The following HDAC9 variants were observed in gnomAD, a reference collection of about 807,000 sequenced individuals.
HDAC9 encodes MEF-2 interacting transcription repressor (MITR) protein.
A neutral mutation model predicts 139.4 loss-of-function variants in HDAC9; 41 were observed. The observed-to-expected ratio is 0.29, with a 90% confidence interval of 0.23 to 0.38. The LOEUF is 0.38. HDAC9 is among the 10% of genes least tolerant of loss of function. HDAC9 has a pLI of 1.00. For synonymous variants in HDAC9, 517 were observed against 476.2 expected (o/e 1.09, Z -1.12); for missense variants, 1,147 against 1,297.0 (o/e 0.88, Z 1.78).
intron 1 of HDAC9, among the ~76,000 whole-genome samples, chr7:18,146,328 C>A (rs1786322270): frequency 1.3e-5 from 2 of 152,112 alleles, no homozygotes; most frequent in Non-Finnish European, 2.9e-5. Context: ...GTTTACCTTC[C>A]ATTTTAGGTA....
chr7:18,675,210 T>C (rs1293004155), intron 12 of HDAC9, among the ~76,000 whole-genome samples: 1 of 152,042 alleles, frequency 6.6e-6, no homozygotes, highest in Non-Finnish European at 1.5e-5. Context: ...TCAAACCCTA[T>C]GTATGCATCA....
chr7:18,718,214 T>C (rs1350854208), intron 12 of HDAC9, among the ~76,000 whole-genome samples: 1 of 152,094 alleles, frequency 6.6e-6, no homozygotes. Flanking sequence ...AATCGTATTG[T>C]ATGGTATGTG....
chr7:18,577,369 G>A (rs951192072), intron 2 of HDAC9, among the ~76,000 whole-genome samples: 2 of 152,188 alleles, frequency 1.3e-5, no homozygotes, highest in Admixed American at 1.3e-4. Context: ...CTGAGTTCAC[G>A]TCTCTGTGTT....
intron 1 of HDAC9, among the ~76,000 whole-genome samples, chr7:18,342,885 TGAGA>T (rs1782122463): frequency 6.6e-6 from 1 of 151,846 alleles, no homozygotes; most frequent in East Asian, 1.9e-4. Context: ...ATCTACTGAA[TGAGA>T]GAGAAGAATC....
intron 24 of HDAC9, among the ~76,000 whole-genome samples, chr7:18,959,920 T>G (rs1361251258): frequency 6.6e-6 from 1 of 152,084 alleles, no homozygotes; most frequent in Non-Finnish European, 1.5e-5. Context: ...CATATGTTCT[T>G]GTCAAATGTG....
chr7:18,303,096 G>T (rs1418231516), intron 1 of HDAC9, among the ~76,000 whole-genome samples: 2 of 152,064 alleles, frequency 1.3e-5, no homozygotes, highest in East Asian at 3.9e-4. Flanking sequence ...TTCATAGAAA[G>T]GGTAGAACAC....
At chr7:18,338,723 T>C (rs1351028202) in intron 1 of HDAC9, among the ~76,000 whole-genome samples, 1 of 151,566 alleles carries the variant, frequency 6.6e-6, no homozygotes, top group African/African-American at 2.4e-5. Context: ...ATAATTTTCT[T>C]TTCTTGTAAT....
intron 1 of HDAC9, among the ~76,000 whole-genome samples, chr7:18,160,078 T>C (rs1189818548): frequency 2.0e-5 from 3 of 152,176 alleles, no homozygotes; most frequent in Admixed American, 1.3e-4. Flanking sequence ...GCTGTTGAAT[T>C]GTTGGAAATT....
chr7:18,988,603 A>G (rs1464515352), intron 25 of HDAC9, among the ~76,000 whole-genome samples: 2 of 152,146 alleles, frequency 1.3e-5, no homozygotes, highest in African/African-American at 4.8e-5. Context: ...GCTGAGTTCA[A>G]TTCCTGAGTA....
intron 1 of HDAC9, among the ~76,000 whole-genome samples, chr7:18,298,440 C>G (rs1242443461): frequency 6.6e-6 from 1 of 152,076 alleles, no homozygotes; most frequent in Non-Finnish European, 1.5e-5. Context: ...TCCCCGCTCC[C>G]CACCCCACCA....
At chr7:18,467,497 A>G (rs1417756223) in intron 1 of HDAC9, among the ~76,000 whole-genome samples, 1 of 152,164 alleles carries the variant, frequency 6.6e-6, no homozygotes, top group African/African-American at 2.4e-5. Context: ...ACTTTCTTGG[A>G]AAAGCTCTCC....
chr7:18,764,669 C>T, intron 15 of HDAC9, among the ~76,000 whole-genome samples: 1 of 152,048 alleles, frequency 6.6e-6, no homozygotes, highest in Non-Finnish European at 1.5e-5. Flanking sequence ...CGGATTGAAG[C>T]TGCCATATGT....
At chr7:18,474,143 A>T (rs930398701) in intron 1 of HDAC9, among the ~76,000 whole-genome samples, 3 of 152,218 alleles carry the variant, frequency 2.0e-5, no homozygotes, top group Admixed American at 2.0e-4. Context: ...CAACTTTTCT[A>T]TGTGCATACA....
chr7:18,857,458 A>T (rs1191730544), intron 21 of HDAC9, among the ~76,000 whole-genome samples: 1 of 151,918 alleles, frequency 6.6e-6, no homozygotes, highest in Non-Finnish European at 1.5e-5. Flanking sequence ...AGCCAATTAA[A>T]ATATCATTTT....
intron 2 of HDAC9, among the ~76,000 whole-genome samples, chr7:18,231,128 AACATAT>A (rs948196683): frequency 9.2e-5 from 14 of 152,330 alleles, no homozygotes; most frequent in African/African-American, 3.4e-4. Context: ...CAGAAAATGT[AACATAT>A]ACTCTTTTAT....
intron 2 of HDAC9, among the ~76,000 whole-genome samples, chr7:18,525,896 T>C (rs1806713517): frequency 6.6e-6 from 1 of 152,204 alleles, no homozygotes; most frequent in African/African-American, 2.4e-5. Flanking sequence ...TCTGGCTTAC[T>C]TGACTCTTAA....
At chr7:18,728,401 G>GC (rs1785730877) in intron 13 of HDAC9, among the ~76,000 whole-genome samples, 1 of 94,418 alleles carries the variant, frequency 1.1e-5, no homozygotes, top group Admixed American at 1.3e-4. Context: ...GTTAAGTGTG[G>GC]AACACACACA....
chr7:18,933,301 G>A (rs549790816), intron 22 of HDAC9, among the ~76,000 whole-genome samples: 2 of 152,124 alleles, frequency 1.3e-5, no homozygotes, highest in South Asian at 4.2e-4. Context: ...AGAGGACTCT[G>A]GGTCCTTTTT....
chr7:18,570,491 T>C (rs1180090028), intron 2 of HDAC9, among the ~76,000 whole-genome samples: 3 of 152,226 alleles, frequency 2.0e-5, no homozygotes, highest in African/African-American at 7.2e-5. Flanking sequence ...CTTTTCAGTC[T>C]CATCTGTATC....
Sources: allele counts gnomAD v4.1 joint callset (sites outside exome capture counted in the v4.1 genomes callset), GRCh38; gene constraint gnomAD v4.1.1; transcripts MANE v1.5; gene names NCBI Gene and HGNC (gene_info 2026-07-23, HGNC 2026-07-21).